Variants in SLC25A28 observed in about 807,000 individuals in gnomAD.
SLC25A28 encodes solute carrier family 25 member 28.
Under a neutral mutation model 31.9 loss-of-function variants are expected in SLC25A28, and 10 were observed. The observed-to-expected ratio is 0.31, with a 90% confidence interval of 0.19 to 0.53. The LOEUF (loss-of-function observed/expected upper bound fraction) is 0.53, where lower values mean the gene tolerates loss of function less well. SLC25A28 is among the 20% of genes least tolerant of loss of function. The pLI is 0.95. For missense variants in SLC25A28, 256 were observed against 490.3 expected, an observed-to-expected ratio of 0.52 and a Z score of 4.51; for synonymous variants, 208 against 203.6, an observed-to-expected ratio of 1.02 and a Z score of -0.19.
chr10:99,641,371 GA>G, the SLC25A28 span, among the ~76,000 whole-genome samples: 1 of 152,164 alleles, frequency 6.6e-6, no homozygotes, highest in Non-Finnish European at 1.5e-5. Flanking sequence ...CTTCTTTTGA[GA>G]AGTGTCTGTT....
At chr10:99,617,697 G>A (rs2034689860) in intron 1 of SLC25A28, 1 of 985,424 alleles carries the variant, frequency 1.0e-6, no homozygotes, top group Non-Finnish European at 1.2e-6. Flanking sequence ...CCAGCATTAA[G>A]TGCAAGTGAA....
chr10:99,617,861 AG>A, intron 1 of SLC25A28: 1 of 785,622 alleles, frequency 1.3e-6, no homozygotes, highest in Non-Finnish European at 1.5e-6. Flanking sequence ...TATGTAAATG[AG>A]TAAGAACTGT....
the SLC25A28 span, chr10:99,651,952 T>C: frequency 2.0e-5 from 3 of 152,160 alleles, no homozygotes; most frequent in African/African-American, 7.2e-5. Flanking sequence ...TATCTTGCTT[T>C]TGCTGTTGAA....
the SLC25A28 span, among the ~76,000 whole-genome samples, chr10:99,627,504 G>C: frequency 6.6e-6 from 1 of 150,444 alleles, no homozygotes; most frequent in Non-Finnish European, 1.5e-5. Flanking sequence ...GCAGTAGCGT[G>C]ATCATGGCTC....
the SLC25A28 span, among the ~76,000 whole-genome samples, chr10:99,631,945 G>C: frequency 8.3e-6 from 1 of 121,118 alleles, no homozygotes; most frequent in Admixed American, 1.1e-4. Flanking sequence ...GCCGGACTGC[G>C]GACTGCAGTG....
intron 1 of SLC25A28, chr10:99,618,521 A>G: frequency 1.0e-6 from 1 of 985,422 alleles, no homozygotes; most frequent in Non-Finnish European, 1.2e-6. Flanking sequence ...CATTCAACCT[A>G]GAGTCTATAC....
chr10:99,643,396 T>G, the SLC25A28 span, among the ~76,000 whole-genome samples: 2 of 152,148 alleles, frequency 1.3e-5, no homozygotes, highest in African/African-American at 2.4e-5. Context: ...TGTATTTCTG[T>G]GGGATCGGTG....
chr10:99,619,142 GTACACATAAATCATCC>G (rs2034726247), intron 1 of SLC25A28: 1 of 985,246 alleles, frequency 1.0e-6, no homozygotes, highest in South Asian at 4.7e-5. Context: ...CCTGACTTCA[GTACACATAAATCATCC>G]TGCTTGGTTG....
upstream of SLC25A28, chr10:99,620,876 G>A: frequency 1.0e-6 from 1 of 985,486 alleles, no homozygotes; most frequent in Non-Finnish European, 1.2e-6. Flanking sequence ...GTCCCTGTGC[G>A]CGGGATCGCG....
In SLC25A28 at chr10:99,620,293, G is replaced by A. The variant is rs1304733406; in HGVS notation, c.43C>T (p.Pro15Ser). Residue 15 changes from proline to serine, a missense_variant, in exon 1 of 4, where the codon CCG becomes TCG. Transcript: ENST00000370495. ...GGGCTCCGCCCGGGCCCTGCCGCCG[G>A]CCCCCCCGCCACACCGCCAGCACCC... ...GRGAGGVAGG[P>S]AAGPGRSPGE... is the part of the protein sequence containing the mutation. The A allele has an allele frequency of 1.3e-5, 15 of 1,170,572 alleles. No homozygotes were observed. The highest frequency in any genetic ancestry group is 1.6e-5 in the Non-Finnish European group (15 of 949,286). The allele number at this position is 1,170,572 out of a possible 1,614,324, so 72.5% of individuals were successfully genotyped here.
At chr10:99,617,547 G>C (rs955852112) in intron 1 of SLC25A28, 2 of 985,312 alleles carry the variant, frequency 2.0e-6, no homozygotes, top group Non-Finnish European at 2.4e-6. Context: ...ATAGCTGCTG[G>C]GGACAAGCAA....
At chr10:99,654,274 G>A in the SLC25A28 span, among the ~76,000 whole-genome samples, 1 of 151,974 alleles carries the variant, frequency 6.6e-6, no homozygotes, top group African/African-American at 2.4e-5. Flanking sequence ...AGAACAATAA[G>A]GAATTTAGTA....
At chr10:99,625,193 G>A (rs4498914), upstream of SLC25A28, among the ~76,000 whole-genome samples, 62,968 of 117,530 alleles carry the variant, frequency 0.54, 14,284 homozygotes, top group Middle Eastern at 0.68. Context: ...GACCCAAAGA[G>A]TGAGCACCAG....
intron 1 of SLC25A28, among the ~76,000 whole-genome samples, chr10:99,619,559 T>C (rs186954362): frequency 1.3e-5 from 2 of 152,226 alleles, no homozygotes; most frequent in Admixed American, 1.3e-4. Flanking sequence ...GTAAGTCCTT[T>C]ATCTAGCTGA....
rs762205023 is a variant in SLC25A28, at chr10:99,620,426, G to C, written c.-91C>G. 53 of 1,042,188 alleles carry C rather than the reference G, an allele frequency of 5.1e-5. No homozygotes were observed. The South Asian group carries it at 1.1e-3, about 22-fold the overall frequency. 64.6% of individuals were successfully genotyped at this position (1,042,188 alleles called of 1,614,324 possible). ...GCCCCGTAGTGTCCGCCTCAGGCGC[G>C]GCCCAGAGAGCCCGGGGCCTCCGGC... On this transcript the variant is annotated 5_prime_UTR_variant, in exon 1 of 4. Coordinates refer to ENST00000370495, the MANE Select transcript of SLC25A28 (RefSeq NM_031212.4).
chr10:99,630,379 C>T, the SLC25A28 span, among the ~76,000 whole-genome samples: 281 of 152,150 alleles, frequency 1.8e-3, 1 homozygote, highest in African/African-American at 6.6e-3. Flanking sequence ...AGTGATCCAC[C>T]CACCTAAGCC....
At chr10:99,655,835 C>T in the SLC25A28 span, among the ~76,000 whole-genome samples, 1 of 152,248 alleles carries the variant, frequency 6.6e-6, no homozygotes, top group South Asian at 2.1e-4. Context: ...AGGTTGGAGC[C>T]TAGCACCCTT....
the SLC25A28 span, among the ~76,000 whole-genome samples, chr10:99,639,703 A>T: frequency 7.3e-6 from 1 of 136,760 alleles, no homozygotes; most frequent in East Asian, 2.2e-4. Context: ...TATTCCAAGG[A>T]CTGGGCCAGC....
chr10:99,626,859 G>T, the SLC25A28 span, among the ~76,000 whole-genome samples: 7 of 151,690 alleles, frequency 4.6e-5, no homozygotes, highest in Non-Finnish European at 8.8e-5. Context: ...CCCACCGTTA[G>T]TCCTTCTTCC....
Sources: allele counts gnomAD v4.1 joint callset (sites outside exome capture counted in the v4.1 genomes callset), GRCh38; gene constraint gnomAD v4.1.1; transcripts MANE v1.5; gene names NCBI Gene and HGNC (gene_info 2026-07-23, HGNC 2026-07-21).